The following PTPN12 variants were observed in gnomAD, a reference collection of about 807,000 sequenced individuals.
The protein encoded by PTPN12 is protein tyrosine phosphatase non-receptor type 12.
Under a neutral mutation model 97.6 loss-of-function variants are expected in PTPN12, and 29 were observed. That is an observed-to-expected ratio of 0.30 (90% CI 0.22 to 0.41). The LOEUF (loss-of-function observed/expected upper bound fraction) is 0.41. Among genes scored for constraint, PTPN12 ranks in the 10% least tolerant of loss-of-function variants. PTPN12 has a pLI of 1.00. For synonymous variants in PTPN12, 327 were observed against 300.4 expected (o/e 1.09, Z -0.91); for missense variants, 819 against 926.0 (o/e 0.88, Z 1.50).
At chr7:77,604,826 T>C in intron 8 of PTPN12, 1 of 398,128 alleles carries the variant, frequency 2.5e-6, no homozygotes, top group South Asian at 1.9e-5. Context: ...CACCTGGATT[T>C]TTTATGGTTA....
At chr7:77,564,110 CT>C in intron 1 of PTPN12, 1 of 219,542 alleles carries the variant, frequency 4.6e-6, no homozygotes, top group Non-Finnish European at 9.6e-6. Flanking sequence ...AGCTCCTGAC[CT>C]CAAGTGATCT....
chr7:77,635,168 TGATCCCAGCACTTTGG>T, intron 14 of PTPN12, among the ~76,000 whole-genome samples: 1 of 152,370 alleles, frequency 6.6e-6, no homozygotes, highest in South Asian at 2.1e-4. Context: ...CTTATGCCTG[TGATCCCAGCACTTTGG>T]GAGACCAAGG....
intron 5 of PTPN12, 56 bp downstream of exon 5, chr7:77,585,637 C>A: frequency 6.9e-7 from 1 of 1,441,274 alleles, no homozygotes; most frequent in Non-Finnish European, 9.7e-7. Flanking sequence ...TATTCTTAGT[C>A]TTTTATTATT....
Position 77,633,608 on chromosome 7 carries a change from C to CA in PTPN12, c.2074+1196dup, listed in dbSNP as rs113736018. Among the ~76,000 whole-genome samples, 325 of 132,904 alleles carry CA rather than the reference C, an allele frequency of 2.4e-3. 2 individuals are homozygous for CA. The highest frequency in any genetic ancestry group is 5.2e-3 in the African/African-American group (187 of 35,952). 87.2% of individuals were successfully genotyped at this position (132,904 alleles called of 152,430 possible). A position where few individuals can be genotyped will look rare whatever the true frequency, so the allele number is the denominator to read the frequency against. On this transcript the variant is annotated intron_variant, in intron 14 of 17. Transcript: ENST00000248594. ...TGGGCAACAGAGCAAGACTCCATCTCAAAAAAAAAAAAAGTAGCACTTATT... is the reference window on the plus strand; with the variant it reads ...TGGGCAACAGAGCAAGACTCCATCTCAAAAAAAAAAAAAAGTAGCACTTATT...
At chr7:77,546,080 C>T (rs749465546) in intron 1 of PTPN12, among the ~76,000 whole-genome samples, 4 of 152,038 alleles carry the variant, frequency 2.6e-5, no homozygotes, top group South Asian at 2.1e-4. Flanking sequence ...TACGGGCGCC[C>T]GTGACCACAC....
chr7:77,579,832 TA>T (rs1787456119), intron 2 of PTPN12, among the ~76,000 whole-genome samples: 1 of 152,138 alleles, frequency 6.6e-6, no homozygotes, highest in Non-Finnish European at 1.5e-5. Flanking sequence ...ACAGAACCAA[TA>T]AATAGATTAA....
rs1787714604 is a variant in PTPN12, at chr7:77,587,079, A to G, written c.420+1498A>G. Among the ~76,000 whole-genome samples the G allele has an allele frequency of 3.3e-5, 5 of 152,008 alleles. No individual in the cohort carries two copies. In the South Asian group the frequency reaches 1.0e-3, roughly 31 times the overall value. On this transcript the variant is annotated intron_variant, in intron 5 of 17. Transcript: ENST00000248594. The stretch of plus-strand genomic sequence containing the variant: ...TTTTTCCAAACTCGTGTTAATCTTG[A>G]TATTTCGACCTCCTCCCACGAATCA...
chr7:77,614,256 A>G (rs1036861821), intron 11 of PTPN12, among the ~76,000 whole-genome samples: 1 of 152,166 alleles, frequency 6.6e-6, no homozygotes, highest in Non-Finnish European at 1.5e-5. Context: ...ATACCGCATC[A>G]CCTTTTCATC....
intron 1 of PTPN12, among the ~76,000 whole-genome samples, chr7:77,568,100 CTA>C (rs1298134789): frequency 6.6e-6 from 1 of 152,140 alleles, no homozygotes; most frequent in African/African-American, 2.4e-5. Context: ...GCTAAGAACA[CTA>C]TTGTAGATTT....
At chr7:77,555,926 A>G (rs917680042) in intron 1 of PTPN12, among the ~76,000 whole-genome samples, 1 of 152,062 alleles carries the variant, frequency 6.6e-6, no homozygotes, top group Non-Finnish European at 1.5e-5. Context: ...AAAAAAAAAA[A>G]TCTCTAGTGT....
chr7:77,598,052 ATCTT>A lies in PTPN12; in HGVS notation c.552+152_552+155del. On this transcript the variant is annotated intron_variant, in intron 7 of 17. Transcript: ENST00000248594. ...AGACTAGCCTGGGCAACATAGTGAG[ATCTT>A]GTGTCTACAAAAAGAAAAAAGTTAG... is the stretch of plus-strand genomic sequence containing the variant. 2.8e-6 allele frequency: 3 copies of A among 1,069,014 alleles called. No homozygotes were observed. In the South Asian group the frequency reaches 7.0e-5, roughly 25 times the overall value. 66.2% of individuals were successfully genotyped at this position (1,069,014 alleles called of 1,614,324 possible).
intron 2 of PTPN12, among the ~76,000 whole-genome samples, chr7:77,580,308 C>T (rs531764319): frequency 6.6e-6 from 1 of 152,298 alleles, no homozygotes. Context: ...GCCTGAGTGA[C>T]AGAGTGAGAC....
At chr7:77,555,749 C>A (rs1418140562) in intron 1 of PTPN12, among the ~76,000 whole-genome samples, 1 of 152,022 alleles carries the variant, frequency 6.6e-6, no homozygotes, top group Non-Finnish European at 1.5e-5. Context: ...CCCATCTCTA[C>A]TAAAAATACA....
chr7:77,627,701 A>G (rs771148120), intron 13 of PTPN12, 26 bp downstream of exon 13: 5 of 1,513,268 alleles, frequency 3.3e-6, no homozygotes, highest in Non-Finnish European at 4.4e-6. Context: ...CAAATACTTA[A>G]ATGTCTTTCC....
intron 3 of PTPN12, among the ~76,000 whole-genome samples, chr7:77,581,965 C>G (rs1261009573): frequency 6.6e-6 from 1 of 151,776 alleles, no homozygotes; most frequent in Non-Finnish European, 1.5e-5. Flanking sequence ...TAGAACATAG[C>G]TTTAAATGTA....
At chr7:77,599,924 T>C (rs1788139776) in intron 7 of PTPN12, among the ~76,000 whole-genome samples, 1 of 152,226 alleles carries the variant, frequency 6.6e-6, no homozygotes, top group African/African-American at 2.4e-5. Flanking sequence ...TTTTTGTTTC[T>C]GGGGGTTGTA....
At chr7:77,609,276 T>C (rs1273103217) in intron 9 of PTPN12, among the ~76,000 whole-genome samples, 8 of 148,960 alleles carry the variant, frequency 5.4e-5, no homozygotes, top group African/African-American at 1.5e-4. Flanking sequence ...TCTCTCTCTT[T>C]TTTTTTTTTT....
chr7:77,544,824 T>C (rs1174642983), intron 1 of PTPN12, among the ~76,000 whole-genome samples: 2 of 152,332 alleles, frequency 1.3e-5, no homozygotes, highest in African/African-American at 4.8e-5. Context: ...TGTGCAGACA[T>C]TGTAGACAAA....
intron 2 of PTPN12, among the ~76,000 whole-genome samples, chr7:77,571,751 TCTCA>T (rs1039473426): frequency 2.0e-5 from 3 of 152,062 alleles, no homozygotes; most frequent in African/African-American, 7.3e-5. Flanking sequence ...AGGTGGGGGT[TCTCA>T]CTGTGTTCCC....
Sources: allele counts gnomAD v4.1 joint callset (sites outside exome capture counted in the v4.1 genomes callset), GRCh38; gene constraint gnomAD v4.1.1; transcripts MANE v1.5; gene names NCBI Gene and HGNC (gene_info 2026-07-23, HGNC 2026-07-21).